Variants in CA5A observed in about 807,000 individuals in gnomAD.
CA5A encodes carbonic anhydrase 5A, mitochondrial.
CA5A carries 28 observed loss-of-function variants against 37.1 expected under a neutral mutation model. The observed-to-expected ratio is 0.75, with a 90% CI of 0.56 to 1.03. The LOEUF (loss-of-function observed/expected upper bound fraction) is 1.03, where lower values mean the gene tolerates loss of function less well. CA5A is among the 50% of genes least tolerant of loss of function. The pLI, the probability that CA5A is intolerant of heterozygous loss-of-function variation, is 0.00. For missense variants in CA5A, 444 were observed against 399.9 expected (o/e 1.11, Z -0.94); for synonymous variants, 171 against 158.4 (o/e 1.08, Z -0.60).
At chr16:87,923,412 T>C in intron 2 of CA5A, 1 of 306,622 alleles carries the variant, frequency 3.3e-6, no homozygotes, top group Non-Finnish European at 4.8e-6. Flanking sequence ...GAACTTGAAC[T>C]TCTGACCTCA....
At chr16:87,921,868 TA>T (rs1244978230) in intron 2 of CA5A, among the ~76,000 whole-genome samples, 825 of 76,342 alleles carry the variant, frequency 0.011, 10 homozygotes, top group African/African-American at 0.043. Flanking sequence ...TTGTTATTAT[TA>T]TTATTATTAT....
intron 2 of CA5A, among the ~76,000 whole-genome samples, chr16:87,912,159 G>A (rs977177661): frequency 1.3e-5 from 2 of 152,052 alleles, no homozygotes; most frequent in Non-Finnish European, 2.9e-5. Flanking sequence ...AAAATTAGCT[G>A]GGCGTGGTGG....
chr16:87,935,535 C>T (rs1407172422), intron 1 of CA5A, among the ~76,000 whole-genome samples: 5 of 152,300 alleles, frequency 3.3e-5, no homozygotes, highest in Middle Eastern at 3.4e-3. Flanking sequence ...CCCCAGGACC[C>T]CTGAAACGGA....
chr16:87,886,475 A>G (rs1034451181), downstream of CA5A: 1 of 152,012 alleles, frequency 6.6e-6, no homozygotes, highest in African/African-American at 2.4e-5. Flanking sequence ...TAGATCTATA[A>G]TCTGTCAGGA....
chr16:87,934,819 G>T (rs2056449445), intron 1 of CA5A, among the ~76,000 whole-genome samples: 1 of 152,024 alleles, frequency 6.6e-6, no homozygotes, highest in African/African-American at 2.4e-5. Flanking sequence ...AATTAGTTGG[G>T]CGTGGTGGCA....
At position 87,909,988 on chromosome 16, in the gene CA5A, G is replaced by A. The variant is rs541100403; in HGVS notation, c.341-5084C>T. The stretch of plus-strand genomic sequence containing the variant: ...GTTTCCCCATTTGTAAAGTGCGGAT[G>A]ATCCTTGAACCCCCACCATAGGACT... On this transcript the variant is annotated intron_variant, in intron 2 of 6. Transcript: ENST00000649794. Among the ~76,000 whole-genome samples the A allele has an allele frequency of 1.5e-4, 23 of 152,240 alleles. No homozygotes were observed. The South Asian group carries it at 4.6e-3, about 30-fold the overall frequency.
At chr16:87,929,824 A>G (rs2056373849) in intron 1 of CA5A, among the ~76,000 whole-genome samples, 1 of 131,848 alleles carries the variant, frequency 7.6e-6, no homozygotes, top group Admixed American at 9.0e-5. Flanking sequence ...GTGAGCCGAG[A>G]TCGCGCCACC....
At chr16:87,894,470 G>T (rs1367841287) in intron 5 of CA5A, among the ~76,000 whole-genome samples, 1 of 152,122 alleles carries the variant, frequency 6.6e-6, no homozygotes, top group Non-Finnish European at 1.5e-5. Context: ...AGGGTCAAGA[G>T]AGGTGGCTGA....
chr16:87,903,187 C>G (rs890231776), intron 3 of CA5A, among the ~76,000 whole-genome samples: 23 of 152,186 alleles, frequency 1.5e-4, no homozygotes, highest in African/African-American at 5.3e-4. Context: ...AATCTCAGCA[C>G]TCTGGGAGGC....
At chr16:87,924,559 G>A (rs568559389) in intron 2 of CA5A, among the ~76,000 whole-genome samples, 14 of 152,354 alleles carry the variant, frequency 9.2e-5, no homozygotes, top group Non-Finnish European at 1.5e-4. Context: ...CGTGGGCACC[G>A]TGCCTGCTCA....
chr16:87,919,556 C>T (rs1181287189), intron 2 of CA5A, among the ~76,000 whole-genome samples: 1 of 151,928 alleles, frequency 6.6e-6, no homozygotes, highest in East Asian at 1.9e-4. Flanking sequence ...TGGGGGAGCA[C>T]TCACAGGAAA....
Position 87,904,877 on chromosome 16 carries a change from T to C in CA5A, c.368A>G (p.His123Arg), listed in dbSNP as rs753105348. 1.9e-6 allele frequency: 3 copies of C among 1,612,668 alleles called. No homozygotes were observed. The African/African-American group carries it at 4.0e-5, about 22-fold the overall frequency. The change falls in exon 3 of 7, where the codon CAC becomes CGC. Residue 123 changes from histidine to arginine, a missense_variant. Transcript: ENST00000649794. ...GAAGTGAAATTGCTTCAGTCTGTAGTGGTTTTCCAAGGGCCCACCACTAAT... is the reference window on the plus strand; with the variant it reads ...GAAGTGAAATTGCTTCAGTCTGTAGCGGTTTTCCAAGGGCCCACCACTAAT... ...SGISGGPLEN[H>R]YRLKQFHFHW...
chr16:87,905,589 T>A (rs8057747), intron 2 of CA5A, among the ~76,000 whole-genome samples: 78 of 152,012 alleles, frequency 5.1e-4, no homozygotes, highest in Non-Finnish European at 8.1e-4. Context: ...AAACTCCTGA[T>A]CTCAGGTGAT....
At chr16:87,904,525 C>T (rs1394012280) in intron 3 of CA5A, among the ~76,000 whole-genome samples, 1 of 152,246 alleles carries the variant, frequency 6.6e-6, no homozygotes, top group African/African-American at 2.4e-5. Flanking sequence ...TCCCGGCTGT[C>T]TGGCTTTGGC....
chr16:87,934,914 C>G (rs183987570), intron 1 of CA5A, among the ~76,000 whole-genome samples: 2 of 152,218 alleles, frequency 1.3e-5, no homozygotes, highest in Admixed American at 6.5e-5. Flanking sequence ...GAGCCGAGAT[C>G]GCACCACTGC....
At chr16:87,917,750 CAT>C (rs1220268201) in intron 2 of CA5A, among the ~76,000 whole-genome samples, 67 of 99,582 alleles carry the variant, frequency 6.7e-4, no homozygotes, top group African/African-American at 5.0e-3. Flanking sequence ...CACATGCACA[CAT>C]GTATACACAG....
chr16:87,893,074 C>T (rs1296339961), intron 5 of CA5A: 3 of 902,196 alleles, frequency 3.3e-6, no homozygotes, highest in Non-Finnish European at 3.4e-6. Flanking sequence ...TCTCTCAAGC[C>T]CCGAGGCTGC....
At chr16:87,913,914 C>T (rs988321446) in intron 2 of CA5A, among the ~76,000 whole-genome samples, 20 of 152,206 alleles carry the variant, frequency 1.3e-4, no homozygotes, top group African/African-American at 4.3e-4. Context: ...GCTTAAGTGA[C>T]GTCTACCACG....
intron 2 of CA5A, chr16:87,924,368 C>A (rs993220969): frequency 2.1e-6 from 2 of 958,860 alleles, no homozygotes; most frequent in Non-Finnish European, 2.5e-6. Context: ...CTGGAAGGAC[C>A]AAGCCGTGGT....
Sources: gnomAD v4.1 joint callset for allele counts (sites outside exome capture counted in the v4.1 genomes callset) on GRCh38, gnomAD v4.1.1 for gene constraint, MANE v1.5 for transcripts, NCBI Gene and HGNC (gene_info 2026-07-23, HGNC 2026-07-21) for gene names.